Variants in DUOX1 observed in about 807,000 individuals in gnomAD.
The protein encoded by DUOX1 is dual oxidase 1.
In DUOX1, 134 loss-of-function variants were observed where a neutral mutation model predicts 181.8. The observed-to-expected ratio is 0.74, with a 90% CI of 0.64 to 0.85. The LOEUF (loss-of-function observed/expected upper bound fraction) is 0.85, where lower values mean the gene tolerates loss of function less well. Ranked by LOEUF, DUOX1 falls within the 40% of genes least tolerant of loss-of-function variation. The probability of loss-of-function intolerance (pLI) is 0.00; values close to 1 mark genes in which losing one functional copy is unlikely to be tolerated. For missense variants in DUOX1, 1,814 were observed against 2,064.4 expected (o/e 0.88, Z 2.35); for synonymous variants, 798 against 832.5 (o/e 0.96, Z 0.71).
At chr15:45,155,728 G>A in intron 27 of DUOX1, 74 bp from the exon 28 acceptor site, 2 of 1,602,222 alleles carry the variant, frequency 1.2e-6, no homozygotes, top group East Asian at 2.2e-5. Context: ...GTGGAGAGGG[G>A]ACCTTGGAAG....
At chr15:45,158,457 C>G (rs139965766) in intron 28 of DUOX1, among the ~76,000 whole-genome samples, 5,309 of 151,950 alleles carry the variant, frequency 0.035, 334 homozygotes, top group African/African-American at 0.12. Flanking sequence ...ACCTGTAATC[C>G]CAGCATTTTG....
chr15:45,148,946 C>T (rs1223731100), intron 21 of DUOX1, among the ~76,000 whole-genome samples: 1 of 151,988 alleles, frequency 6.6e-6, no homozygotes, highest in African/African-American at 2.4e-5. Context: ...CACTATATCT[C>T]CTGGCTGAGT....
chr15:45,163,434 G>A (rs1438630661), intron 31 of DUOX1, 98 bp from the exon 32 acceptor site: 2 of 1,538,414 alleles, frequency 1.3e-6, no homozygotes, highest in African/African-American at 2.7e-5. Context: ...AAGGGCACAA[G>A]CTAGCTGTGG....
In DUOX1 at chr15:45,152,025, G is replaced by GGGGGGCTTTT. The variant is rs1200101073; in HGVS notation, c.3167_3176dup (p.Phe1059LeufsTer118). 1.2e-6 allele frequency: 2 copies of GGGGGGCTTTT among 1,613,900 alleles called. No homozygotes were observed. Among genetic ancestry groups the GGGGGGCTTTT allele is most frequent in the African/African-American group, 2.7e-5 (2 of 74,910 alleles). On this transcript the variant is annotated frameshift_variant, in exon 24 of 34. Coordinates refer to ENST00000389037, the MANE Select transcript of DUOX1 (RefSeq NM_175940.3). LOFTEE classifies it high-confidence loss of function. ...CGTGGCCGTGTTCTACGCCATCGCT[G>GGGGGGCTTTT]GGGGGCTTTTCCTGGAGAGGGCCTA...
intron 28 of DUOX1, among the ~76,000 whole-genome samples, chr15:45,158,656 CA>C (rs1897020948): frequency 8.3e-6 from 1 of 119,866 alleles, no homozygotes; most frequent in Non-Finnish European, 1.6e-5. Flanking sequence ...GAGCCAAGAT[CA>C]CACCACTGCA....
chr15:45,140,096 G>C, intron 12 of DUOX1: 1 of 1,332,442 alleles, frequency 7.5e-7, no homozygotes, highest in East Asian at 4.2e-5. Flanking sequence ...TCCCACAGCC[G>C]CACAAATTGG....
intron 25 of DUOX1, 162 bp from the exon 26 acceptor site, chr15:45,153,218 C>CT (rs1453373920): frequency 2.8e-6 from 1 of 363,296 alleles, no homozygotes; most frequent in Non-Finnish European, 4.6e-6. Flanking sequence ...GAGACTCCAT[C>CT]TAAAAAAAAA....
intron 15 of DUOX1, among the ~76,000 whole-genome samples, chr15:45,142,529 CA>C (rs762540436): frequency 6.6e-6 from 1 of 152,022 alleles, no homozygotes; most frequent in African/African-American, 2.4e-5. Context: ...AGTTTGAGAC[CA>C]GCCTGATCAA....
At chr15:45,131,356 T>G (rs988588087) in intron 1 of DUOX1, 5 of 154,254 alleles carry the variant, frequency 3.2e-5, no homozygotes, top group African/African-American at 1.2e-4. Context: ...GCCTACCCTC[T>G]CTATATCACA....
At chr15:45,134,732 C>A (rs1200090142) in intron 4 of DUOX1, among the ~76,000 whole-genome samples, 1 of 152,136 alleles carries the variant, frequency 6.6e-6, no homozygotes, top group African/African-American at 2.4e-5. Flanking sequence ...GAGGGGAAGT[C>A]AAAGTGGGGG....
At position 45,141,523 on chromosome 15, in the gene DUOX1, G is replaced by A. The variant is rs139468400; in HGVS notation, c.1684+113G>A. The A allele has an allele frequency of 7.1e-4, 848 of 1,197,868 alleles. 1 individual carries two copies. In the African/African-American group the frequency reaches 0.011, roughly 16 times the overall value. 74.2% of individuals were successfully genotyped at this position (1,197,868 alleles called of 1,614,324 possible). On this transcript the variant is annotated intron_variant, in intron 14 of 33. Coordinates refer to ENST00000389037, the MANE Select transcript of DUOX1 (RefSeq NM_175940.3). ...TCAATCTCTGTGCTCCAAGAGGGGA[G>A]TGAGCTGTGGTTCTGCCCTTGGGAA...
intron 31 of DUOX1, 55 bp from the exon 32 acceptor site, chr15:45,163,477 G>C: frequency 6.2e-7 from 1 of 1,607,958 alleles, no homozygotes; most frequent in Non-Finnish European, 8.5e-7. Flanking sequence ...GACACCCCTG[G>C]GGTTTAGGGA....
Position 45,137,997 on chromosome 15 carries a change from A to G in DUOX1, c.1096A>G (p.Ser366Gly). 6.2e-7 allele frequency: 1 copy of G among 1,609,260 alleles called. No homozygotes were observed. Among genetic ancestry groups the G allele is most frequent in the Non-Finnish European group, 8.5e-7 (1 of 1,177,198 alleles). Residue 366 changes from serine to glycine, a missense_variant, in exon 10 of 34, where the codon AGC (serine) becomes GGC (glycine). This residue lies in a region of DUOX1 where 1,064 missense variants were observed against 1,152.9 expected (regional missense o/e 0.92). Coordinates refer to ENST00000389037, the MANE Select transcript of DUOX1 (RefSeq NM_175940.3). Reference protein sequence around the residue: ...SVSRALRVCNSYWSREHPSLQ... With the variant: ...SVSRALRVCNGYWSREHPSLQ... ...CTCCAGAGCTCTCCGGGTCTGCAAC[A>G]GCTACTGGAGCCGTGAGGTCCGAGC... is the stretch of plus-strand genomic sequence containing the variant.
chr15:45,161,451 A>G (rs1482712962), intron 29 of DUOX1, among the ~76,000 whole-genome samples: 1,036 of 81,354 alleles, frequency 0.013, no homozygotes, highest in Middle Eastern at 0.017. Context: ...GGAAGGAGGG[A>G]GGGAGGGAGG....
At chr15:45,164,638 A>C in intron 33 of DUOX1, 141 bp from the exon 34 acceptor site, 1 of 924,720 alleles carries the variant, frequency 1.1e-6, no homozygotes, top group Non-Finnish European at 1.7e-6. Context: ...CTGGCTAATT[A>C]AAAATAAAAA....
chr15:45,160,996 A>G lies in DUOX1; in HGVS notation c.3856+6A>G. ...GGCGGAGCTGCTGCCCTCAGGTACC[A>G]GCCTGGCAGGAGATCAGCTTGGTGA... On this transcript the variant is annotated splice_donor_region_variant and intron_variant, in intron 29 of 33. Coordinates refer to ENST00000389037, the MANE Select transcript of DUOX1 (RefSeq NM_175940.3). The G allele has an allele frequency of 2.5e-6, 4 of 1,614,082 alleles. No individual in the cohort carries two copies. Among genetic ancestry groups the G allele is most frequent in the Non-Finnish European group, 3.4e-6 (4 of 1,180,002 alleles).
At position 45,147,527 on chromosome 15, in the gene DUOX1, A is replaced by T; in HGVS notation, c.2417A>T (p.Glu806Val). The change falls in exon 19 of 34, where the codon GAG (glutamate) becomes GTG (valine). Residue 806 changes from glutamate to valine, a missense_variant. This residue lies in a region of DUOX1 where 1,064 missense variants were observed against 1,152.9 expected (regional missense o/e 0.92). Transcript: ENST00000389037. Reference sequence around the variant, plus strand: ...CTGACCTGTGAGCTGAGCAGGGCCGAGTTTGCCGAGTCCCTGGGCCTCAAG... The same window carrying T: ...CTGACCTGTGAGCTGAGCAGGGCCGTGTTTGCCGAGTCCCTGGGCCTCAAG... The part of the protein sequence containing the change: ...EALTCELSRA[E>V]FAESLGLKPQ... 6.2e-7 allele frequency: 1 copy of T among 1,613,984 alleles called. No individual in the cohort carries two copies. The highest frequency in any genetic ancestry group is 8.5e-7 in the Non-Finnish European group (1 of 1,179,968).
chr15:45,150,659 AC>A lies in DUOX1; in HGVS notation c.2848del (p.Leu950SerfsTer12). ...KGVEVPEVIK[D>X]LCRRASYISQ... is the part of the protein sequence containing the mutation. ...GTGGAGGTGCCTGAAGTCATCAAGG[AC>A]CTCTGCCGGCGAGCCTCCTACATCA... On this transcript the variant is annotated frameshift_variant, in exon 22 of 34. Transcript: ENST00000389037. LOFTEE classifies it high-confidence loss of function. 1 of 1,613,772 alleles carries A rather than the reference AC, an allele frequency of 6.2e-7. No individual in the cohort carries two copies. The highest frequency in any genetic ancestry group is 1.3e-5 in the African/African-American group (1 of 74,926).
rs1896787881 is a variant in DUOX1 at position 45,151,029 on chromosome 15, T to C, written c.2889-94T>C. 54 of 1,548,618 alleles carry C rather than the reference T, an allele frequency of 3.5e-5. No individual in the cohort carries two copies. In the South Asian group the frequency reaches 6.0e-4, roughly 17 times the overall value. On this transcript the variant is annotated intron_variant, in intron 22 of 33. Coordinates refer to ENST00000389037, the MANE Select transcript of DUOX1 (RefSeq NM_175940.3). The stretch of plus-strand genomic sequence containing the variant: ...TCCCCTTGCTGACAGCTCTGATCCT[T>C]CCTCAGCAGAATGGGTTTGGAGGCA...
Sources: gnomAD v4.1 joint callset for allele counts (sites outside exome capture counted in the v4.1 genomes callset) on GRCh38, gnomAD v4.1.1 for gene constraint, gnomAD v4.1.1 regional missense constraint, MANE v1.5 for transcripts, NCBI Gene and HGNC (gene_info 2026-07-23, HGNC 2026-07-21) for gene names.